SV2B: variants seen among roughly 807,000 people sequenced by gnomAD.
SV2B encodes synaptic vesicle glycoprotein 2B, also known as solute carrier family 22 member B2.
SV2B carries 41 observed loss-of-function variants against 73.9 expected under a neutral mutation model. The observed-to-expected ratio is 0.56, with a 90% CI of 0.43 to 0.72. The LOEUF (loss-of-function observed/expected upper bound fraction) is 0.72. Among genes scored for constraint, SV2B ranks in the 30% least tolerant of loss-of-function variants. SV2B has a pLI of 0.00. For synonymous variants in SV2B, 314 were observed against 314.2 expected, an observed-to-expected ratio of 1.00 and a Z score of 0.01; for missense variants, 764 against 857.8, an observed-to-expected ratio of 0.89 and a Z score of 1.37.
At position 91,289,044 on chromosome 15, in the gene SV2B, A is replaced by G. The variant is rs979135563; in HGVS notation, c.1709-477A>G. ...TTTATCCACTCATCTGTTGATGGCC[A>G]CTTAGGTTGACTCCATATTTTGACT... On this transcript the variant is annotated intron_variant, in intron 11 of 12. Coordinates refer to ENST00000394232, the MANE Select transcript of SV2B (RefSeq NM_001323032.3). This position sits in a 1 kb window ranked among gnomAD's most constrained non-coding sequence, Gnocchi z 4.9. Among the ~76,000 whole-genome samples, 3 of 152,172 alleles carry G rather than the reference A, an allele frequency of 2.0e-5. No homozygotes were observed. Among genetic ancestry groups the G allele is most frequent in the African/African-American group, 4.8e-5 (2 of 41,436 alleles).
chr15:91,154,177 A>G (rs944414847), intron 1 of SV2B, among the ~76,000 whole-genome samples: 11 of 148,004 alleles, frequency 7.4e-5, no homozygotes, highest in African/African-American at 2.7e-4. Context: ...TAGATTATAA[A>G]TATAAATTAT....
At chr15:91,222,468 ATCT>A (rs1375654126) in intron 1 of SV2B, among the ~76,000 whole-genome samples, 3 of 152,166 alleles carry the variant, frequency 2.0e-5, no homozygotes, top group Admixed American at 2.0e-4. Context: ...TTAGGGGTAG[ATCT>A]TCTGAGAATG....
In SV2B at chr15:91,244,974, A is replaced by G. The variant is rs1596672977; in HGVS notation, c.452-6845A>G. 1.3e-5 allele frequency among the ~76,000 whole-genome samples: 2 copies of G among 152,344 alleles called. 1 individual carries two copies. Among genetic ancestry groups the G allele is most frequent in the East Asian group, 3.9e-4 (2 of 5,184 alleles). On this transcript the variant is annotated intron_variant, in intron 2 of 12. Transcript: ENST00000394232. ...TAATGAATGCATTTAATTTCTACAT[A>G]TTCAAGCAAGAAAAAGGTTAGAAGT...
intron 1 of SV2B, among the ~76,000 whole-genome samples, chr15:91,207,115 G>A (rs761801543): frequency 1.3e-4 from 19 of 151,858 alleles, no homozygotes; most frequent in South Asian, 2.1e-4. Context: ...CAGTCTTCCC[G>A]GGCTCCAGTG....
chr15:91,208,644 C>A (rs2045732583), intron 1 of SV2B, among the ~76,000 whole-genome samples: 1 of 152,196 alleles, frequency 6.6e-6, no homozygotes, highest in Admixed American at 6.5e-5. Context: ...GAGCCTACAA[C>A]AATATTCCTG....
intron 1 of SV2B, among the ~76,000 whole-genome samples, chr15:91,209,131 T>C (rs1967970): frequency 2.0e-4 from 29 of 144,058 alleles, no homozygotes; most frequent in Non-Finnish European, 3.2e-4. Context: ...TTTTTTTTTT[T>C]TTTTTTTTGA....
intron 2 of SV2B, among the ~76,000 whole-genome samples, chr15:91,251,159 C>G (rs1026988943): frequency 6.6e-6 from 1 of 152,182 alleles, no homozygotes; most frequent in African/African-American, 2.4e-5. Context: ...CATTTATGGC[C>G]AATTGATTTC....
chr15:91,185,807 G>A (rs1054325567), intron 1 of SV2B, among the ~76,000 whole-genome samples: 31 of 152,294 alleles, frequency 2.0e-4, no homozygotes, highest in South Asian at 2.1e-4. Context: ...GGAACTTAAA[G>A]CACAGGAGAG....
At chr15:91,279,890 T>A (rs2048629524) in intron 9 of SV2B, among the ~76,000 whole-genome samples, 2 of 152,206 alleles carry the variant, frequency 1.3e-5, no homozygotes, top group South Asian at 4.1e-4. Flanking sequence ...CCCATGGAAA[T>A]CTGAAGAATT....
chr15:91,173,413 T>A (rs1214433010), intron 1 of SV2B, among the ~76,000 whole-genome samples: 1 of 152,160 alleles, frequency 6.6e-6, no homozygotes, highest in African/African-American at 2.4e-5. Context: ...GGTCTGATCT[T>A]ACCAGGTTGT....
intron 9 of SV2B, among the ~76,000 whole-genome samples, chr15:91,279,850 C>G (rs141120661): frequency 6.6e-6 from 1 of 152,336 alleles, no homozygotes; most frequent in African/African-American, 2.4e-5. Flanking sequence ...GAGGCATCTT[C>G]TTGTAACAAA....
At chr15:91,142,508 A>T (rs902867511) in intron 1 of SV2B, among the ~76,000 whole-genome samples, 1 of 152,252 alleles carries the variant, frequency 6.6e-6, no homozygotes, top group Admixed American at 6.5e-5. Flanking sequence ...TTAGCAATGG[A>T]GAGAAAGACT....
intron 1 of SV2B, among the ~76,000 whole-genome samples, chr15:91,160,344 C>A (rs1045148739): frequency 6.6e-6 from 1 of 152,198 alleles, no homozygotes; most frequent in Non-Finnish European, 1.5e-5. Context: ...GGCAGTGGCT[C>A]ATGCCTGTAA....
chr15:91,258,291 C>T lies in SV2B; in HGVS notation c.785-130C>T, dbSNP rs1422551719. On this transcript the variant is annotated intron_variant, in intron 4 of 12. Transcript: ENST00000394232. The surrounding 1 kb of genome is among the most constrained non-coding windows in gnomAD (Gnocchi z 4.7). The stretch of plus-strand genomic sequence containing the variant: ...AGCTTCGGAGGCACAGCTGAGGAGT[C>T]TGCATTTTAACCACCTCCCCGGGTG... 2 of 1,305,898 alleles carry T rather than the reference C, an allele frequency of 1.5e-6. No individual in the cohort carries two copies. Among genetic ancestry groups the T allele is most frequent in the Non-Finnish European group, 2.1e-6 (2 of 965,834 alleles). 80.9% of individuals were successfully genotyped at this position (1,305,898 alleles called of 1,614,324 possible).
At chr15:91,260,953 C>T (rs2047890793) in intron 6 of SV2B, among the ~76,000 whole-genome samples, 1 of 152,198 alleles carries the variant, frequency 6.6e-6, no homozygotes, top group Non-Finnish European at 1.5e-5. Flanking sequence ...CCTCCCACAA[C>T]ATGTGGGAAT....
intron 1 of SV2B, among the ~76,000 whole-genome samples, chr15:91,210,106 A>G (rs1043008542): frequency 2.6e-5 from 4 of 151,818 alleles, no homozygotes; most frequent in African/African-American, 9.7e-5. Context: ...GGCTGAGTCT[A>G]TGGCAGGATA....
Position 91,245,902 on chromosome 15 carries a change from A to G in SV2B, c.452-5917A>G, listed in dbSNP as rs903555184. ...TTGTAAATTTAGGAATAATAATATGATGTGACAGAGACCATAGAAGATTGG... is the reference window on the plus strand; with the variant it reads ...TTGTAAATTTAGGAATAATAATATGGTGTGACAGAGACCATAGAAGATTGG... On this transcript the variant is annotated intron_variant, in intron 2 of 12. Transcript: ENST00000394232. The surrounding 1 kb of genome is among the most constrained non-coding windows in gnomAD (Gnocchi z 4.2). 2.0e-5 allele frequency among the ~76,000 whole-genome samples: 3 copies of G among 152,144 alleles called. No homozygotes were observed. The highest frequency in any genetic ancestry group is 7.2e-5 in the African/African-American group (3 of 41,438).
At chr15:91,131,637 G>C (rs759605551) in intron 1 of SV2B, among the ~76,000 whole-genome samples, 1 of 147,956 alleles carries the variant, frequency 6.8e-6, no homozygotes, top group Non-Finnish European at 1.5e-5. Context: ...AGACTCTATT[G>C]CTACAAAAAA....
At chr15:91,159,567 G>C (rs374442571) in intron 1 of SV2B, among the ~76,000 whole-genome samples, 2 of 152,176 alleles carry the variant, frequency 1.3e-5, no homozygotes, top group East Asian at 3.8e-4. Context: ...ACTTCATAGA[G>C]AGGATTAAGA....
Sources: allele counts gnomAD v4.1 joint callset (sites outside exome capture counted in the v4.1 genomes callset), GRCh38; gene constraint gnomAD v4.1.1; non-coding constraint Gnocchi (gnomAD v3.1); transcripts MANE v1.5; gene names NCBI Gene and HGNC (gene_info 2026-07-23, HGNC 2026-07-21).